AUTS2: variants seen among roughly 807,000 people sequenced by gnomAD.
AUTS2 encodes the protein activator of transcription and developmental regulator AUTS2.
A neutral mutation model predicts 112.4 loss-of-function variants in AUTS2; 17 were observed. That is an observed-to-expected ratio of 0.15 (90% CI 0.10 to 0.23). The LOEUF is 0.23. AUTS2 is among the 10% of genes least tolerant of loss of function. AUTS2 has a pLI of 1.00. For synonymous variants in AUTS2, 751 were observed against 702.7 expected (o/e 1.07, Z -1.09); for missense variants, 1,510 against 1,701.6 (o/e 0.89, Z 1.98).
chr7:69,914,790 G>C (rs889798896), intron 2 of AUTS2, among the ~76,000 whole-genome samples: 1 of 151,916 alleles, frequency 6.6e-6, no homozygotes, highest in Non-Finnish European at 1.5e-5. Flanking sequence ...TTTACCATGA[G>C]TACAAACTCT....
intron 6 of AUTS2, among the ~76,000 whole-genome samples, chr7:70,735,746 A>C (rs908311068): frequency 6.6e-6 from 1 of 152,212 alleles, no homozygotes; most frequent in Non-Finnish European, 1.5e-5. Context: ...ATGCTTGTTA[A>C]GAGGGAAAAA....
chr7:70,429,137 T>G (rs79878934), intron 4 of AUTS2, among the ~76,000 whole-genome samples: 2,420 of 152,332 alleles, frequency 0.016, 64 homozygotes, highest in African/African-American at 0.055. Flanking sequence ...GTACTTTCTC[T>G]TTGGAATCAC....
intron 2 of AUTS2, among the ~76,000 whole-genome samples, chr7:69,908,979 C>T (rs959911866): frequency 1.6e-4 from 25 of 152,070 alleles, no homozygotes; most frequent in African/African-American, 5.8e-4. Context: ...CAGGGTGTGG[C>T]AACAAGGAAC....
intron 2 of AUTS2, among the ~76,000 whole-genome samples, chr7:70,112,935 A>G (rs1330001271): frequency 6.6e-6 from 1 of 151,866 alleles, no homozygotes; most frequent in Non-Finnish European, 1.5e-5. Flanking sequence ...CCCTTTCTCT[A>G]TTATGATTTG....
At chr7:69,777,966 G>C (rs527486940) in intron 1 of AUTS2, among the ~76,000 whole-genome samples, 11 of 152,234 alleles carry the variant, frequency 7.2e-5, no homozygotes, top group East Asian at 5.8e-4. Context: ...TGGATGAAAA[G>C]CTAATAAATA....
intron 5 of AUTS2, among the ~76,000 whole-genome samples, chr7:70,463,896 A>G (rs1358701123): frequency 6.6e-6 from 1 of 152,198 alleles, no homozygotes; most frequent in East Asian, 1.9e-4. Flanking sequence ...TAGTTTGTCA[A>G]TTAAGGGGAT....
chr7:70,135,136 T>C lies in AUTS2; in HGVS notation c.660+565T>C, dbSNP rs545884581. ...GTTTATTTCTGAACCTTATTCTCTG[T>C]CCTTTGGGAAAGATGGCAGTGAGGT... On this transcript the variant is annotated intron_variant, in intron 4 of 18. Transcript: ENST00000342771. Among the ~76,000 whole-genome samples, 74 of 152,314 alleles carry C rather than the reference T, an allele frequency of 4.9e-4. 1 individual carries two copies. The highest frequency in any genetic ancestry group is 1.7e-3 in the African/African-American group (70 of 41,574).
chr7:69,965,292 G>A (rs892043170), intron 2 of AUTS2, among the ~76,000 whole-genome samples: 18 of 152,086 alleles, frequency 1.2e-4, no homozygotes, highest in Non-Finnish European at 1.8e-4. Context: ...TCTCATCTCC[G>A]TTCTTGCTAA....
At chr7:69,895,439 A>G (rs1794700799) in intron 1 of AUTS2, among the ~76,000 whole-genome samples, 1 of 152,172 alleles carries the variant, frequency 6.6e-6, no homozygotes, top group Non-Finnish European at 1.5e-5. Context: ...AGTCTCTGAA[A>G]ATATAAACCT....
chr7:70,372,960 A>G (rs999367488), intron 4 of AUTS2, among the ~76,000 whole-genome samples: 2 of 152,050 alleles, frequency 1.3e-5, no homozygotes, highest in African/African-American at 4.8e-5. Flanking sequence ...GTTGTAGTGC[A>G]TATTGTTATG....
chr7:70,772,228 G>A lies in AUTS2; in HGVS notation c.1830+584G>A, dbSNP rs111927681. 1.2e-3 allele frequency among the ~76,000 whole-genome samples: 181 copies of A among 152,250 alleles called. 1 individual carries two copies. Among genetic ancestry groups the A allele is most frequent in the African/African-American group, 4.1e-3 (172 of 41,542 alleles). ...CTCTCAGCCATCCCACCCCTGCCAT[G>A]GTTACACTGGCCAAGGCCAAGACTT... On this transcript the variant is annotated intron_variant, in intron 11 of 18. Transcript: ENST00000342771.
At chr7:70,339,640 C>T (rs1791165103) in intron 4 of AUTS2, among the ~76,000 whole-genome samples, 1 of 152,140 alleles carries the variant, frequency 6.6e-6, no homozygotes, top group Non-Finnish European at 1.5e-5. Flanking sequence ...AAATGATATG[C>T]AGGAGTGAGG....
chr7:70,771,793 C>A, intron 11 of AUTS2, 149 bp downstream of exon 11: 1 of 542,108 alleles, frequency 1.8e-6, no homozygotes, highest in East Asian at 3.0e-5. Flanking sequence ...GCCTATTTTT[C>A]TTTTTTTTCC....
intron 6 of AUTS2, among the ~76,000 whole-genome samples, chr7:70,744,363 C>A (rs989544860): frequency 1.3e-5 from 2 of 152,200 alleles, no homozygotes; most frequent in Non-Finnish European, 2.9e-5. Context: ...CGGGCAAGCA[C>A]ATCCTCGGTT....
At chr7:70,170,089 T>TA (rs997572282) in intron 4 of AUTS2, among the ~76,000 whole-genome samples, 226 of 141,968 alleles carry the variant, frequency 1.6e-3, no homozygotes, top group East Asian at 2.2e-3. Flanking sequence ...TTTTTTTTAT[T>TA]AAAAAAAAAA....
At chr7:70,052,034 A>G (rs1801777702) in intron 2 of AUTS2, among the ~76,000 whole-genome samples, 3 of 152,178 alleles carry the variant, frequency 2.0e-5, no homozygotes, top group Admixed American at 6.5e-5. Flanking sequence ...GTGTACTACA[A>G]TATATGGTCA....
chr7:69,614,325 T>TTTCTTTCTTTCC, intron 1 of AUTS2, among the ~76,000 whole-genome samples: 1 of 63,694 alleles, frequency 1.6e-5, no homozygotes, highest in African/African-American at 5.3e-5. Flanking sequence ...TCTTTCTTTC[T>TTTCTTTCTTTCC]TTCTTTCTTT....
At chr7:69,865,932 C>T (rs1384464144) in intron 1 of AUTS2, among the ~76,000 whole-genome samples, 3 of 152,148 alleles carry the variant, frequency 2.0e-5, no homozygotes, top group South Asian at 2.1e-4. Context: ...ATGGTGCTTA[C>T]GTTTTCCATG....
chr7:70,493,068 T>C (rs116987332), intron 5 of AUTS2, among the ~76,000 whole-genome samples: 2,120 of 152,308 alleles, frequency 0.014, 34 homozygotes, highest in Non-Finnish European at 0.02. Flanking sequence ...TTTAAAAAGC[T>C]CATTCCTAGT....
Sources: allele counts gnomAD v4.1 joint callset (sites outside exome capture counted in the v4.1 genomes callset), GRCh38; gene constraint gnomAD v4.1.1; transcripts MANE v1.5; gene names NCBI Gene and HGNC (gene_info 2026-07-23, HGNC 2026-07-21).